The following SAG variants were observed in gnomAD, a reference collection of about 807,000 sequenced individuals.
The protein encoded by SAG is S-antigen visual arrestin, also known as S-arrestin.
Under a neutral mutation model 55.0 loss-of-function variants are expected in SAG, and 45 were observed. The ratio of observed to expected loss-of-function variants is 0.82; its 90% CI spans 0.64 to 1.05. SAG has a LOEUF of 1.05. SAG is among the 50% of genes least tolerant of loss of function. The pLI, the probability that SAG is intolerant of heterozygous loss-of-function variation, is 0.00. For missense variants in SAG, 455 were observed against 512.1 expected, an observed-to-expected ratio of 0.89 and a Z score of 1.08; for synonymous variants, 189 against 197.4, an observed-to-expected ratio of 0.96 and a Z score of 0.36.
intron 5 of SAG, among the ~76,000 whole-genome samples, chr2:233,321,709 A>T (rs780164961): frequency 8.5e-5 from 13 of 152,146 alleles, no homozygotes; most frequent in Non-Finnish European, 1.6e-4. Flanking sequence ...AATGGTGTGA[A>T]TGTACTTCAT....
intron 7 of SAG, chr2:233,327,535 C>CTT (rs143230331): frequency 1.1e-5 from 2 of 189,734 alleles, no homozygotes; most frequent in South Asian, 1.2e-4. Context: ...ATTTTAACCA[C>CTT]TTTTTTTTCT....
rs753994737 is a variant in SAG at position 233,316,055 on chromosome 2, C to T, written c.76-20C>T. 1 of 1,526,428 alleles carries T rather than the reference C, an allele frequency of 6.6e-7. No individual in the cohort carries two copies. The allele number at this position is 1,526,428 out of a possible 1,614,324, so 94.6% of individuals were successfully genotyped here. On this transcript the variant is annotated intron_variant, in intron 2 of 15. Transcript: ENST00000409110. ...CTTAGCATTCTTTGGCCCTTAGACC[C>T]ACACCTGTTCTTCTTGCAGGTGACC...
chr2:233,328,433 G>C (rs759598571), intron 7 of SAG, 45 bp from the exon 8 acceptor site: 1 of 1,595,858 alleles, frequency 6.3e-7, no homozygotes, highest in South Asian at 1.1e-5. Flanking sequence ...TCCCTAAAGC[G>C]GCCTGGGTGC....
chr2:233,329,674 G>T, intron 9 of SAG, 97 bp downstream of exon 9: 1 of 812,240 alleles, frequency 1.2e-6, no homozygotes, highest in Non-Finnish European at 2.1e-6. Context: ...AGGCCCTTCT[G>T]GGTCCTTGGA....
intron 13 of SAG, among the ~76,000 whole-genome samples, chr2:233,341,453 T>G (rs1456333065): frequency 6.6e-6 from 1 of 152,202 alleles, no homozygotes; most frequent in East Asian, 1.9e-4. Flanking sequence ...CACCAACAGA[T>G]GAATGGGATA....
intron 7 of SAG, 142 bp from the exon 8 acceptor site, chr2:233,328,336 T>C: frequency 1.0e-6 from 1 of 973,966 alleles, no homozygotes; most frequent in Non-Finnish European, 1.5e-6. Flanking sequence ...CTCTGACCAG[T>C]GTCGTTGCCC....
chr2:233,336,532 A>G (rs1700936094), intron 11 of SAG, among the ~76,000 whole-genome samples: 1 of 151,746 alleles, frequency 6.6e-6, no homozygotes, highest in Admixed American at 6.6e-5. Context: ...AAAAAAACCA[A>G]CCAACAAAAC....
intron 14 of SAG, chr2:233,343,082 T>G (rs13033013): frequency 0.39 from 19,255 of 49,436 alleles, 1,538 homozygotes; most frequent in South Asian, 0.47. Flanking sequence ...TTTTTTGGGG[T>G]TTTTTTTTTT....
chr2:233,309,086 CT>C, intron 1 of SAG, 75 bp from the exon 2 acceptor site: 1 of 831,706 alleles, frequency 1.2e-6, no homozygotes, highest in Non-Finnish European at 2.0e-6. Context: ...GGTTTCATAA[CT>C]AGGATGTTCT....
Position 233,319,448 on chromosome 2 carries a change from C to A in SAG, c.181+653C>A, listed in dbSNP as rs1406058430. The stretch of plus-strand genomic sequence containing the variant: ...TGCATAAACCAAATTAGAACAGATT[C>A]CAGCTATCCTTGTGATAATGTCACT... On this transcript the variant is annotated intron_variant, in intron 4 of 15. Coordinates refer to ENST00000409110, the MANE Select transcript of SAG (RefSeq NM_000541.5). This position sits in a 1 kb window ranked among gnomAD's most constrained non-coding sequence, Gnocchi z 4.4. 7.7e-6 allele frequency: 3 copies of A among 390,456 alleles called. No homozygotes were observed. Among genetic ancestry groups the A allele is most frequent in the Non-Finnish European group, 1.1e-5 (3 of 280,386 alleles). 24.2% of individuals were successfully genotyped at this position (390,456 alleles called of 1,614,324 possible). A position where few individuals can be genotyped will look rare whatever the true frequency, so the allele number is the denominator to read the frequency against.
intron 2 of SAG, among the ~76,000 whole-genome samples, chr2:233,310,786 T>C (rs1163551601): frequency 6.6e-6 from 1 of 152,008 alleles, no homozygotes; most frequent in Non-Finnish European, 1.5e-5. Flanking sequence ...AGATTACAGG[T>C]GTGAGCCACC....
In SAG at chr2:233,338,695, C is replaced by G; in HGVS notation, c.964C>G (p.Arg322Gly). 1 of 1,613,866 alleles carries G rather than the reference C, an allele frequency of 6.2e-7. No individual in the cohort carries two copies. The highest frequency in any genetic ancestry group is 8.5e-7 in the Non-Finnish European group (1 of 1,179,828). The change falls in exon 12 of 16, where the codon CGG becomes GGG. Residue 322 changes from arginine to glycine, a missense_variant. By Grantham distance (125) the Arg-to-Gly change is moderately radical (BLOSUM62 -2). Coordinates refer to ENST00000409110, the MANE Select transcript of SAG (RefSeq NM_000541.5). ...GGGCAGCATTAAGGAGGGCATAGAC[C>G]GGACCGTCCTGGGAATCCTGGTGTC... is the stretch of plus-strand genomic sequence containing the variant. Reference protein sequence around the residue: ...SSTIIKEGIDRTVLGILVSYQ... With the variant: ...SSTIIKEGIDGTVLGILVSYQ...
chr2:233,339,732 C>T lies in SAG; in HGVS notation c.1023-723C>T, dbSNP rs546825486. Among the ~76,000 whole-genome samples, 8 of 151,762 alleles carry T rather than the reference C, an allele frequency of 5.3e-5. No individual in the cohort carries two copies. In the East Asian group the frequency reaches 9.7e-4, roughly 18 times the overall value. On this transcript the variant is annotated intron_variant, in intron 12 of 15. Transcript: ENST00000409110. ...ACTCTGGAGTGCAGTGGCATGACCTCGGCTCACTGTAACCTCCACCTCCCA... is the reference window on the plus strand; with the variant it reads ...ACTCTGGAGTGCAGTGGCATGACCTTGGCTCACTGTAACCTCCACCTCCCA...
At chr2:233,346,481 C>A in intron 15 of SAG, 69 bp downstream of exon 15, 1 of 1,536,262 alleles carries the variant, frequency 6.5e-7, no homozygotes, top group Non-Finnish European at 9.0e-7. Context: ...CAGCACAAAA[C>A]CCTCTTTGAG....
At chr2:233,334,656 AG>A in intron 10 of SAG, 1 of 277,720 alleles carries the variant, frequency 3.6e-6, no homozygotes, top group South Asian at 5.5e-5. Flanking sequence ...TCTCAGGAGG[AG>A]GCTGTGGTCT....
intron 7 of SAG, 153 bp downstream of exon 7, chr2:233,327,350 C>T (rs1289497486): frequency 1.8e-6 from 1 of 544,938 alleles, no homozygotes. Flanking sequence ...AAAGGTTGAT[C>T]ATTTTTGGGG....
chr2:233,324,974 C>G (rs1053341345), intron 6 of SAG, among the ~76,000 whole-genome samples: 3 of 152,070 alleles, frequency 2.0e-5, no homozygotes, highest in Admixed American at 6.6e-5. Context: ...GCCTGTAATC[C>G]CAGCACTTTG....
At chr2:233,335,290 A>G (rs1700889686) in intron 11 of SAG, among the ~76,000 whole-genome samples, 191 bp downstream of exon 11, 1 of 152,208 alleles carries the variant, frequency 6.6e-6, no homozygotes, top group South Asian at 2.1e-4. Context: ...TGTGGGGGTT[A>G]CACCCATGGG....
At chr2:233,320,019 T>C in intron 4 of SAG, 1 of 975,062 alleles carries the variant, frequency 1.0e-6, no homozygotes, top group Non-Finnish European at 1.2e-6. Context: ...GGGCGCACAC[T>C]TCAGGTCTGT....
Sources: allele counts gnomAD v4.1 joint callset (sites outside exome capture counted in the v4.1 genomes callset), GRCh38; gene constraint gnomAD v4.1.1; non-coding constraint Gnocchi (gnomAD v3.1); transcripts MANE v1.5; gene names NCBI Gene and HGNC (gene_info 2026-07-23, HGNC 2026-07-21).